Variants in UROC1 observed in about 807,000 individuals in gnomAD.
UROC1 encodes urocanate hydratase.
UROC1 carries 79 observed loss-of-function variants against 89.5 expected under a neutral mutation model. The ratio of observed to expected loss-of-function variants is 0.88; its 90% CI spans 0.74 to 1.06. UROC1 has a LOEUF of 1.06. Ranked by LOEUF, UROC1 falls within the 50% of genes least tolerant of loss-of-function variation. The probability of loss-of-function intolerance (pLI) is 0.00; values close to 1 mark genes in which losing one functional copy is unlikely to be tolerated. For missense variants in UROC1, 885 were observed against 907.8 expected, an observed-to-expected ratio of 0.97 and a Z score of 0.32; for synonymous variants, 361 against 354.8, an observed-to-expected ratio of 1.02 and a Z score of -0.20.
chr3:126,508,688 G>A (rs1385356920), intron 3 of UROC1, among the ~76,000 whole-genome samples: 1 of 152,200 alleles, frequency 6.6e-6, no homozygotes, highest in African/African-American at 2.4e-5. Flanking sequence ...GCAGATCTGG[G>A]TCTGGGGTCA....
intron 3 of UROC1, among the ~76,000 whole-genome samples, chr3:126,509,096 C>T (rs1333315019): frequency 2.6e-5 from 4 of 151,754 alleles, no homozygotes; most frequent in African/African-American, 9.7e-5. Flanking sequence ...TGGATCTGGG[C>T]ATGGTGGCGG....
At chr3:126,487,942 C>T (rs904981421) in intron 18 of UROC1, among the ~76,000 whole-genome samples, 2 of 152,202 alleles carry the variant, frequency 1.3e-5, no homozygotes, top group Non-Finnish European at 2.9e-5. Context: ...GCCATTCTTG[C>T]AGAGCCTAAG....
At chr3:126,511,918 GT>G (rs1170373526) in intron 1 of UROC1, among the ~76,000 whole-genome samples, 4 of 151,822 alleles carry the variant, frequency 2.6e-5, no homozygotes, top group East Asian at 1.9e-4. Context: ...TATATCAAGG[GT>G]TTTTTTTCTT....
intron 1 of UROC1, among the ~76,000 whole-genome samples, chr3:126,511,339 G>A (rs372785797): frequency 6.6e-6 from 1 of 152,136 alleles, no homozygotes; most frequent in African/African-American, 2.4e-5. Flanking sequence ...ACCTTCCCAC[G>A]TGGGTTCTAA....
At chr3:126,506,629 C>T (rs1248072891) in intron 6 of UROC1, among the ~76,000 whole-genome samples, 1 of 152,208 alleles carries the variant, frequency 6.6e-6, no homozygotes, top group East Asian at 1.9e-4. Flanking sequence ...AAAGGCAAGG[C>T]ACAGAGGCCG....
At chr3:126,508,973 G>A (rs531367772) in intron 3 of UROC1, among the ~76,000 whole-genome samples, 1 of 152,160 alleles carries the variant, frequency 6.6e-6, no homozygotes, top group Non-Finnish European at 1.5e-5. Flanking sequence ...TGGCTTTTCA[G>A]CTCTGCTCCT....
intron 6 of UROC1, among the ~76,000 whole-genome samples, chr3:126,506,257 T>C (rs1447127521): frequency 6.6e-6 from 1 of 152,076 alleles, no homozygotes; most frequent in Admixed American, 6.6e-5. Flanking sequence ...GTGTAATTGG[T>C]GAAGAATTGT....
At chr3:126,494,486 G>A (rs1414555446) in intron 15 of UROC1, among the ~76,000 whole-genome samples, 6 of 152,338 alleles carry the variant, frequency 3.9e-5, no homozygotes, top group African/African-American at 9.6e-5. Context: ...CTGTTGGCAC[G>A]GGGACTCTGA....
chr3:126,495,845 GCTGCTTCCC>G, intron 15 of UROC1, among the ~76,000 whole-genome samples, 184 bp downstream of exon 15: 1 of 152,190 alleles, frequency 6.6e-6, no homozygotes. Context: ...AGCCCCTTGG[GCTGCTTCCC>G]CTCCCAGTGT....
intron 15 of UROC1, among the ~76,000 whole-genome samples, chr3:126,494,781 A>C (rs1431485596): frequency 2.0e-5 from 3 of 152,122 alleles, no homozygotes; most frequent in Non-Finnish European, 4.4e-5. Flanking sequence ...ACCTGGATGC[A>C]CATGCTGGAC....
chr3:126,511,510 C>A (rs988972438), intron 1 of UROC1, among the ~76,000 whole-genome samples: 1 of 152,208 alleles, frequency 6.6e-6, no homozygotes, highest in Non-Finnish European at 1.5e-5. Context: ...CGGGGCTTGA[C>A]GGGACATTTT....
chr3:126,498,806 T>A (rs984850862), intron 13 of UROC1, among the ~76,000 whole-genome samples: 10 of 152,114 alleles, frequency 6.6e-5, no homozygotes, highest in African/African-American at 2.4e-4. Flanking sequence ...GACTGGCACA[T>A]CTTCCAAAAG....
Position 126,508,519 on chromosome 3 carries a change from G to A in UROC1, c.352-44C>T, listed in dbSNP as rs777818849. ...CATCTGAGATGAGGGCCTGGGAAGG[G>A]CCTATGGAGTTGCAGACAGGGAGAG... is the stretch of plus-strand genomic sequence containing the variant. On this transcript the variant is annotated intron_variant, in intron 3 of 19. Transcript: ENST00000290868. 8 of 1,542,268 alleles carry A rather than the reference G, an allele frequency of 5.2e-6. No individual in the cohort carries two copies. The African/African-American group carries it at 1.1e-4, about 21-fold the overall frequency.
intron 15 of UROC1, among the ~76,000 whole-genome samples, chr3:126,495,018 AG>A (rs1935745950): frequency 6.6e-6 from 1 of 152,114 alleles, no homozygotes; most frequent in Non-Finnish European, 1.5e-5. Flanking sequence ...CACTCACCCC[AG>A]GTCACACAGC....
intron 1 of UROC1, among the ~76,000 whole-genome samples, chr3:126,513,837 C>T (rs1936246585): frequency 6.6e-6 from 1 of 152,192 alleles, no homozygotes; most frequent in Admixed American, 6.5e-5. Context: ...CAGAAACTTC[C>T]ATGGGCTCCC....
chr3:126,513,628 G>A (rs751837582), intron 1 of UROC1, among the ~76,000 whole-genome samples: 9 of 152,154 alleles, frequency 5.9e-5, no homozygotes, highest in Non-Finnish European at 2.9e-5. Flanking sequence ...ATGAATTGAG[G>A]TACTTAGAAC....
In UROC1 at chr3:126,507,749, C is replaced by T. The variant is rs746640310; in HGVS notation, c.595G>A (p.Val199Ile). 14 of 1,614,116 alleles carry T rather than the reference C, an allele frequency of 8.7e-6. No homozygotes were observed. In the South Asian group the frequency reaches 1.5e-4, roughly 18 times the overall value. Residue 199 changes from valine to isoleucine, a missense_variant, in exon 6 of 20, where the codon GTT becomes ATT. Val to Ile is a conservative substitution (Grantham distance 29). Coordinates refer to ENST00000290868, the MANE Select transcript of UROC1 (RefSeq NM_144639.3). ...TEYEKLFALG[V>I]TMYGQMTAGS... ...ACTGAAATAGTGACTTACATTGTAA[C>T]CCCCAAGGCAAAGAGCTTCTCATAC... is the stretch of plus-strand genomic sequence containing the variant.
Position 126,510,747 on chromosome 3 carries a change from C to G in UROC1, c.174G>C (p.Glu58Asp). The change falls in exon 2 of 20, where the codon GAG (glutamate) becomes GAC (aspartate). Residue 58 changes from glutamate (E) to aspartate (D), a missense_variant. Coordinates refer to ENST00000290868, the MANE Select transcript of UROC1 (RefSeq NM_144639.3). ...ALRYFPPDVQ[E>D]LLAPEFAQEL... Reference sequence around the variant, plus strand: ...CCTGGGCAAACTCTGGGGCCAGCAGCTCCTGGACATCCGGGGGGAAGTAGC... The same window carrying G: ...CCTGGGCAAACTCTGGGGCCAGCAGGTCCTGGACATCCGGGGGGAAGTAGC... 1 of 1,614,174 alleles carries G rather than the reference C, an allele frequency of 6.2e-7. No individual in the cohort carries two copies. The highest frequency in any genetic ancestry group is 1.1e-5 in the South Asian group (1 of 91,090).
At chr3:126,492,354 CA>C in intron 16 of UROC1, 63 bp downstream of exon 16, 1 of 1,506,512 alleles carries the variant, frequency 6.6e-7, no homozygotes, top group Non-Finnish European at 9.1e-7. Flanking sequence ...CAGGAAGGCC[CA>C]AGGCAGGAAA....
Sources: allele counts gnomAD v4.1 joint callset (sites outside exome capture counted in the v4.1 genomes callset), GRCh38; gene constraint gnomAD v4.1.1; transcripts MANE v1.5; gene names NCBI Gene and HGNC (gene_info 2026-07-23, HGNC 2026-07-21).